TXLNG: variants seen among roughly 807,000 people sequenced by gnomAD.
TXLNG encodes the protein taxilin gamma, also known as gamma-taxilin.
TXLNG carries 5 observed loss-of-function variants against 38.8 expected under a neutral mutation model. The ratio of observed to expected loss-of-function variants is 0.13; its 90% CI spans 0.07 to 0.27. The LOEUF (loss-of-function observed/expected upper bound fraction) is 0.27, where lower values mean the gene tolerates loss of function less well. TXLNG is among the 10% of genes least tolerant of loss of function. The pLI is 1.00. For synonymous variants in TXLNG, 182 were observed against 158.2 expected (o/e 1.15, Z -1.13); for missense variants, 393 against 398.2 (o/e 0.99, Z 0.11).
At chrX:16,826,405 ATTTTCT>A (rs1929168056) in intron 3 of TXLNG, among the ~76,000 whole-genome samples, 1 of 111,805 alleles carries the variant, frequency 8.9e-6, no homozygotes, top group African/African-American at 3.2e-5. Flanking sequence ...ACTCAGCATC[ATTTTCT>A]TTTTCAGTAA....
At chrX:16,837,749 G>A (rs921796339) in intron 8 of TXLNG, 64 bp downstream of exon 8, 3 of 857,644 alleles carry the variant, frequency 3.5e-6, no homozygotes, top group Admixed American at 6.1e-5. Flanking sequence ...TTTTAAGTGT[G>A]ATTACTATTT....
At chrX:16,816,656 G>T (rs1928756686) in intron 1 of TXLNG, among the ~76,000 whole-genome samples, 1 of 111,945 alleles carries the variant, frequency 8.9e-6, no homozygotes, top group Non-Finnish European at 1.9e-5. Context: ...CTCTGAAATA[G>T]ATAACCCATT....
rs771390617 is a variant in TXLNG, at chrX:16,841,614, C to A, written c.1435C>A (p.Pro479Thr). The A allele has an allele frequency of 1.7e-6, 2 of 1,211,261 alleles. No homozygotes were observed. The highest frequency in any genetic ancestry group is 4.4e-5 in the Admixed American group (2 of 45,948). Residue 479 changes from proline to threonine, a missense_variant, in exon 10 of 10, where the codon CCC becomes ACC. Pro to Thr is a conservative substitution (Grantham distance 38). Transcript: ENST00000380122. ...GGATTTAGCAACACCTGTGATGCAG[C>A]CCTGTACTGCCCTGGATTCTCACAA... Reference protein sequence around the residue: ...NRDLATPVMQPCTALDSHKEL... With the variant: ...NRDLATPVMQTCTALDSHKEL...
intron 3 of TXLNG, 96 bp from the exon 4 acceptor site, chrX:16,827,996 CTT>C (rs1190435362): frequency 4.1e-5 from 34 of 821,064 alleles, no homozygotes; most frequent in Non-Finnish European, 5.3e-5. Flanking sequence ...TAGTATTTGA[CTT>C]TTTGAAAATG....
At chrX:16,798,653 A>G (rs1927972490) in intron 1 of TXLNG, among the ~76,000 whole-genome samples, 1 of 108,432 alleles carries the variant, frequency 9.2e-6, no homozygotes, top group Non-Finnish European at 1.9e-5. Flanking sequence ...TGGCATGATC[A>G]TAGCTCACTG....
At chrX:16,804,119 G>A (rs1437452135) in intron 1 of TXLNG, among the ~76,000 whole-genome samples, 1 of 112,163 alleles carries the variant, frequency 8.9e-6, no homozygotes, top group Non-Finnish European at 1.9e-5. Context: ...AACAATTTTG[G>A]GGATATTCTT....
intron 1 of TXLNG, among the ~76,000 whole-genome samples, chrX:16,802,944 C>T (rs1431827645): frequency 1.9e-5 from 2 of 107,891 alleles, no homozygotes; most frequent in Non-Finnish European, 3.8e-5. Flanking sequence ...CTCAGCCTCC[C>T]GAGTAGATGG....
chrX:16,839,722 T>C (rs2147502414), intron 8 of TXLNG, 99 bp from the exon 9 acceptor site: 1 of 519,335 alleles, frequency 1.9e-6, no homozygotes, highest in East Asian at 3.8e-5. Context: ...GGTGCAGGGA[T>C]GGGGGAGGGG....
chrX:16,840,117 C>G (rs1929741200), intron 9 of TXLNG: 1 of 335,200 alleles, frequency 3.0e-6, no homozygotes, highest in African/African-American at 2.7e-5. Context: ...GGACAGGGCC[C>G]TGAGTGAGGG....
intron 7 of TXLNG, among the ~76,000 whole-genome samples, chrX:16,837,152 A>G (rs1478639029): frequency 8.9e-6 from 1 of 112,065 alleles, no homozygotes; most frequent in Non-Finnish European, 1.9e-5. Flanking sequence ...CTTCTTCCCC[A>G]ACCAAACCAA....
intron 5 of TXLNG, among the ~76,000 whole-genome samples, chrX:16,830,735 TG>T (rs1929361975): frequency 9.2e-6 from 1 of 108,387 alleles, no homozygotes; most frequent in African/African-American, 3.4e-5. Flanking sequence ...TACTGCCTTT[TG>T]TTTTTTTTAA....
intron 1 of TXLNG, among the ~76,000 whole-genome samples, chrX:16,802,340 G>A (rs905090035): frequency 2.3e-4 from 22 of 96,745 alleles, no homozygotes; most frequent in Admixed American, 6.9e-4. Context: ...AGCCTCTGCC[G>A]CCCAGGTTCA....
chrX:16,807,788 A>C (rs1928383859), intron 1 of TXLNG, among the ~76,000 whole-genome samples: 1 of 111,674 alleles, frequency 9.0e-6, no homozygotes, highest in African/African-American at 3.3e-5. Context: ...TGTCCTCTGC[A>C]TATGCCTGGC....
intron 1 of TXLNG, among the ~76,000 whole-genome samples, chrX:16,814,223 T>C (rs750463194): frequency 8.9e-6 from 1 of 112,571 alleles, no homozygotes; most frequent in East Asian, 2.8e-4. Context: ...ATAAATACAA[T>C]GTAGTCTCTC....
chrX:16,786,477 G>C lies in TXLNG; in HGVS notation c.-11G>C. On this transcript the variant is annotated 5_prime_UTR_variant, in exon 1 of 10. Transcript: ENST00000380122. ...TTGTCGGGCCGCTTGTTTGGCTGCT[G>C]CCGTCACCTCATGGCGACGCGGGTA... 9.0e-7 allele frequency: 1 copy of C among 1,111,263 alleles called. No homozygotes were observed. 91.6% of individuals were successfully genotyped at this position (1,111,263 alleles called of 1,213,427 possible).
chrX:16,825,508 T>C (rs867539371), intron 3 of TXLNG, among the ~76,000 whole-genome samples: 38 of 111,836 alleles, frequency 3.4e-4, no homozygotes, highest in African/African-American at 1.2e-3. Flanking sequence ...ATAAAGAGTT[T>C]TGTGTGTATG....
chrX:16,801,459 T>C (rs1374507501), intron 1 of TXLNG, among the ~76,000 whole-genome samples: 1 of 112,205 alleles, frequency 8.9e-6, no homozygotes, highest in Non-Finnish European at 1.9e-5. Flanking sequence ...GTGCTGGGAT[T>C]GCAGGCGTGG....
rs140816376 is a variant in TXLNG at position 16,823,816 on chromosome X, C to A, written c.498+3561C>A. Among the ~76,000 whole-genome samples, 28 of 111,544 alleles carry A rather than the reference C, an allele frequency of 2.5e-4. 3 individuals carry two copies. In the East Asian group the frequency reaches 7.9e-3, roughly 31 times the overall value. On this transcript the variant is annotated intron_variant, in intron 3 of 9. Coordinates refer to ENST00000380122, the MANE Select transcript of TXLNG (RefSeq NM_018360.3). ...TAAGTACTTTATAATGCTATTCTTT[C>A]CCATCCTGTAGTCAGTTTGTACAGA...
At chrX:16,814,710 T>G (rs116206843) in intron 1 of TXLNG, among the ~76,000 whole-genome samples, 1 of 111,362 alleles carries the variant, frequency 9.0e-6, no homozygotes, top group African/African-American at 3.3e-5. Context: ...AGGCAGCAAC[T>G]AGATTAGTGG....
Sources: allele counts gnomAD v4.1 joint callset (sites outside exome capture counted in the v4.1 genomes callset), GRCh38; gene constraint gnomAD v4.1.1; transcripts MANE v1.5; gene names NCBI Gene and HGNC (gene_info 2026-07-23, HGNC 2026-07-21).